The following DNAH9 variants were observed in gnomAD, a reference collection of about 807,000 sequenced individuals.
DNAH9 encodes dynein axonemal heavy chain 9.
DNAH9 carries 345 observed loss-of-function variants against 471.6 expected under a neutral mutation model. The ratio of observed to expected loss-of-function variants is 0.73; its 90% CI spans 0.67 to 0.80. The LOEUF is 0.80. Among genes scored for constraint, DNAH9 ranks in the 30% least tolerant of loss-of-function variants. The pLI, the probability that DNAH9 is intolerant of heterozygous loss-of-function variation, is 0.00. For synonymous variants in DNAH9, 2,093 were observed against 2,123.6 expected, an observed-to-expected ratio of 0.99 and a Z score of 0.40; for missense variants, 5,407 against 5,609.2, an observed-to-expected ratio of 0.96 and a Z score of 1.15.
intron 29 of DNAH9, among the ~76,000 whole-genome samples, chr17:11,740,126 A>G (rs951781181): frequency 6.6e-6 from 1 of 152,230 alleles, no homozygotes; most frequent in Admixed American, 6.5e-5. Context: ...AGCTGTCTAA[A>G]CGGGTGCTAC....
At chr17:11,655,628 CA>C (rs1179901504) in intron 14 of DNAH9, among the ~76,000 whole-genome samples, 1 of 150,562 alleles carries the variant, frequency 6.6e-6, no homozygotes, top group Admixed American at 6.6e-5. Context: ...CACACACACA[CA>C]CACCATGTAT....
Position 11,880,200 on chromosome 17 carries a change from G to GTTA in DNAH9, c.10601_10601+1insTTA (p.Arg3534_Phe3535insTer). The GTTA allele has an allele frequency of 6.2e-7, 1 of 1,612,916 alleles. No individual in the cohort carries two copies. Among genetic ancestry groups the GTTA allele is most frequent in the Non-Finnish European group, 8.5e-7 (1 of 1,179,512 alleles). ...GGGAGAGAAGTCATTAAAAAAGGACGGTAAGACTCAGCTGTGTTGCTGACC... is the reference window on the plus strand; with the variant it reads ...GGGAGAGAAGTCATTAAAAAAGGACGTTAGTAAGACTCAGCTGTGTTGCTGACC... On this transcript the variant is annotated stop_gained and inframe_insertion and splice_region_variant. Coordinates refer to ENST00000262442, the MANE Select transcript of DNAH9 (RefSeq NM_001372.4). LOFTEE classifies it high-confidence loss of function.
intron 14 of DNAH9, among the ~76,000 whole-genome samples, chr17:11,655,823 A>G (rs1324797049): frequency 6.6e-6 from 1 of 152,006 alleles, no homozygotes; most frequent in African/African-American, 2.4e-5. Flanking sequence ...TGAGGAGGCA[A>G]AGGCATAAGA....
At chr17:11,748,027 G>A (rs1319605969) in intron 32 of DNAH9, among the ~76,000 whole-genome samples, 1 of 151,984 alleles carries the variant, frequency 6.6e-6, no homozygotes, top group Non-Finnish European at 1.5e-5. Flanking sequence ...AAAGCTGGCT[G>A]GGCACAGTGG....
chr17:11,902,602 G>C, intron 59 of DNAH9, 117 bp from the exon 60 acceptor site: 2 of 976,576 alleles, frequency 2.0e-6, no homozygotes, highest in South Asian at 3.5e-5. Flanking sequence ...CTCTAGACAA[G>C]AGTATAAATG....
intron 35 of DNAH9, 104 bp downstream of exon 35, chr17:11,757,796 T>G (rs1269968378): frequency 7.8e-7 from 1 of 1,287,706 alleles, no homozygotes. Flanking sequence ...CAAAGTCAGA[T>G]GTTCCCAGAG....
intron 28 of DNAH9, among the ~76,000 whole-genome samples, chr17:11,730,942 GTGA>G (rs58858034): frequency 0.9 from 134,015 of 149,660 alleles, 61,722 homozygotes; most frequent in Non-Finnish European, 1. Flanking sequence ...GGTGATGACG[GTGA>G]TGATGATGAT....
At chr17:11,826,349 G>C (rs1260363202) in intron 48 of DNAH9, among the ~76,000 whole-genome samples, 1 of 112,826 alleles carries the variant, frequency 8.9e-6, no homozygotes, top group African/African-American at 2.7e-5. Context: ...AATTCCCCAG[G>C]CCGGAAGCTG....
In DNAH9 at chr17:11,822,459, G is replaced by A. The variant is rs746853115; in HGVS notation, c.8872G>A (p.Val2958Met). The change falls in exon 47 of 69, where the codon GTG (valine) becomes ATG (methionine). Residue 2958 changes from valine to methionine, a missense_variant. Val to Met is a conservative substitution (Grantham distance 21, BLOSUM62 1). This residue lies in a region of DNAH9 where 4,636 missense variants were observed against 4,900.3 expected (regional missense o/e 0.95). Transcript: ENST00000262442. ...TCAGGTGACTCTCTGTTTCTCCCCT[G>A]TGGGAAACAAGCTAAGAGTCCGCAG... ...QLKVTLCFSP[V>M]GNKLRVRSRK... is the part of the protein sequence containing the mutation. 4 of 1,614,018 alleles carry A rather than the reference G, an allele frequency of 2.5e-6. No individual in the cohort carries two copies. In the African/African-American group the frequency reaches 4.0e-5, roughly 16 times the overall value.
chr17:11,698,278 T>A (rs2074526875), intron 22 of DNAH9, among the ~76,000 whole-genome samples: 1 of 132,370 alleles, frequency 7.6e-6, no homozygotes, highest in South Asian at 2.2e-4. Flanking sequence ...TATAATATAT[T>A]ATATATTAAT....
intron 35 of DNAH9, among the ~76,000 whole-genome samples, chr17:11,762,780 T>G (rs986913509): frequency 1.3e-4 from 16 of 125,266 alleles, no homozygotes; most frequent in African/African-American, 3.0e-4. Flanking sequence ...GTTTTTTTTT[T>G]TTTTTTTTTT....
At chr17:11,693,473 G>T (rs541192612) in intron 20 of DNAH9, among the ~76,000 whole-genome samples, 1 of 150,760 alleles carries the variant, frequency 6.6e-6, no homozygotes, top group East Asian at 2.0e-4. Flanking sequence ...TGGCCAGGCT[G>T]GTCTCAAACT....
At chr17:11,911,008 T>A (rs1973776810) in intron 61 of DNAH9, among the ~76,000 whole-genome samples, 1 of 152,226 alleles carries the variant, frequency 6.6e-6, no homozygotes. Context: ...GTTGCTTTTT[T>A]AATGGTATTC....
At chr17:11,598,968 GAGGAGCC>G in intron 1 of DNAH9, 53 bp downstream of exon 1, 1 of 1,297,536 alleles carries the variant, frequency 7.7e-7, no homozygotes. Context: ...GGGAGGGGAG[GAGGAGCC>G]TTAAGGGACG....
chr17:11,843,859 GTGTGTATATATATATA>G (rs1356016270), intron 49 of DNAH9, among the ~76,000 whole-genome samples: 2 of 47,014 alleles, frequency 4.3e-5, no homozygotes, highest in Non-Finnish European at 7.2e-5. Flanking sequence ...GTGTGTGTGT[GTGTGTATATATATATA>G]TATATATATA....
intron 26 of DNAH9, among the ~76,000 whole-genome samples, chr17:11,718,309 C>T (rs2075000910): frequency 6.6e-6 from 1 of 152,254 alleles, no homozygotes; most frequent in Admixed American, 6.5e-5. Context: ...CGAATTACCA[C>T]ATTTTGCTTA....
intron 27 of DNAH9, among the ~76,000 whole-genome samples, chr17:11,721,068 A>G (rs1208789701): frequency 1.3e-5 from 2 of 152,162 alleles, no homozygotes; most frequent in Non-Finnish European, 2.9e-5. Flanking sequence ...GATGTAGAAG[A>G]CGTGGTGTAT....
chr17:11,674,412 C>T (rs2074019129), intron 17 of DNAH9, among the ~76,000 whole-genome samples: 1 of 152,160 alleles, frequency 6.6e-6, no homozygotes, highest in African/African-American at 2.4e-5. Context: ...AATGGTATCT[C>T]ACTGTGGTAA....
intron 24 of DNAH9, among the ~76,000 whole-genome samples, chr17:11,701,617 CTCA>C (rs759685794): frequency 2.0e-5 from 3 of 152,170 alleles, no homozygotes; most frequent in Non-Finnish European, 2.9e-5. Flanking sequence ...AGTTTACAGA[CTCA>C]TGTGGAACTG....
Sources: allele counts gnomAD v4.1 joint callset (sites outside exome capture counted in the v4.1 genomes callset), GRCh38; gene constraint gnomAD v4.1.1; regional missense constraint gnomAD v4.1.1; transcripts MANE v1.5; gene names NCBI Gene and HGNC (gene_info 2026-07-23, HGNC 2026-07-21).